FGFR3: variants seen among roughly 807,000 people sequenced by gnomAD.
FGFR3 encodes fibroblast growth factor receptor 3.
In FGFR3, 25 loss-of-function variants were observed where a neutral mutation model predicts 82.9. The observed-to-expected ratio is 0.30, with a 90% CI of 0.22 to 0.42. The LOEUF (loss-of-function observed/expected upper bound fraction) is 0.42. FGFR3 is among the 10% of genes least tolerant of loss of function. The pLI, the probability that FGFR3 is intolerant of heterozygous loss-of-function variation, is 1.00. For missense variants in FGFR3, 1,026 were observed against 1,161.0 expected, an observed-to-expected ratio of 0.88 and a Z score of 1.69; for synonymous variants, 620 against 516.0, an observed-to-expected ratio of 1.20 and a Z score of -2.73.
intron 2 of FGFR3, among the ~76,000 whole-genome samples, chr4:1,797,835 G>A (rs982934906): frequency 2.0e-5 from 3 of 152,182 alleles, no homozygotes; most frequent in African/African-American, 7.2e-5. Flanking sequence ...GTCACCCTGG[G>A]CACTAGGCGT....
rs1417578492 is a variant in FGFR3 at position 1,802,483 on chromosome 4, T to C, written c.930+458T>C. On this transcript the variant is annotated intron_variant, in intron 7 of 17. Coordinates refer to ENST00000440486, the MANE Select transcript of FGFR3 (RefSeq NM_000142.5). Reference sequence around the variant, plus strand: ...CCTGAAGCCCTTAGCTTTGTTCCCATGGCTGCCGGGTGGGGGCCACTGAAT... The same window carrying C: ...CCTGAAGCCCTTAGCTTTGTTCCCACGGCTGCCGGGTGGGGGCCACTGAAT... Among the ~76,000 whole-genome samples the C allele has an allele frequency of 2.6e-5, 4 of 152,210 alleles. No individual in the cohort carries two copies. The East Asian group carries it at 7.7e-4, about 29-fold the overall frequency.
Position 1,804,984 on chromosome 4 carries a change from G to T in FGFR3, c.1412+15G>T. On this transcript the variant is annotated intron_variant, in intron 10 of 17. Coordinates refer to ENST00000440486, the MANE Select transcript of FGFR3 (RefSeq NM_000142.5). ...TCTCGGGCCCGGTCAGTGGTGCTGA[G>T]GGCCAGCGTTGGCTGTAGGGGGCTT... is the stretch of plus-strand genomic sequence containing the variant. 6.5e-7 allele frequency: 1 copy of T among 1,542,192 alleles called. No homozygotes were observed.
rs375310360 is a variant in FGFR3, at chr4:1,806,910, T to C, written c.2250T>C (p.Arg750=). Residue 750 remains arginine (R), a synonymous_variant, in exon 17 of 18, where the codon CGT becomes CGC. Transcript: ENST00000440486. ...TFKQLVEDLD[R]VLTVTSTDEY... is the part of the protein sequence containing the mutation. ...AGCAGCTGGTGGAGGACCTGGACCGTGTCCTTACCGTGACGTCCACCGACG... is the reference window on the plus strand; with the variant it reads ...AGCAGCTGGTGGAGGACCTGGACCGCGTCCTTACCGTGACGTCCACCGACG... 9 of 1,610,486 alleles carry C rather than the reference T, an allele frequency of 5.6e-6. No individual in the cohort carries two copies. The African/African-American group carries it at 1.2e-4, about 22-fold the overall frequency.
chr4:1,800,224 C>T (rs1413052736), intron 4 of FGFR3, among the ~76,000 whole-genome samples: 2 of 151,598 alleles, frequency 1.3e-5, no homozygotes, highest in Non-Finnish European at 2.9e-5. Context: ...GGGCACCTGC[C>T]ACAACCAGTG....
Position 1,800,490 on chromosome 4 carries a change from A to G in FGFR3, c.445+678A>G, listed in dbSNP as rs866703097. On this transcript the variant is annotated intron_variant, in intron 4 of 17. Transcript: ENST00000440486. ...GGTGTGTGCGCTGGGTCCCTGGGCCAGTGGGGTAAGCAGGTGAGGAAGGGA... is the reference window on the plus strand; with the variant it reads ...GGTGTGTGCGCTGGGTCCCTGGGCCGGTGGGGTAAGCAGGTGAGGAAGGGA... 6.6e-5 allele frequency among the ~76,000 whole-genome samples: 10 copies of G among 152,050 alleles called. No individual in the cohort carries two copies. In the Middle Eastern group the frequency reaches 0.01, roughly 156 times the overall value.
intron 8 of FGFR3, 22 bp downstream of exon 8, chr4:1,803,858 G>A (rs548695207): frequency 1.2e-6 from 2 of 1,610,146 alleles, no homozygotes; most frequent in South Asian, 2.2e-5. Flanking sequence ...TGCTGCTGCT[G>A]CTGCTCCGCA....
At position 1,805,490 on chromosome 4, in the gene FGFR3, G is replaced by C. The variant is rs374221323; in HGVS notation, c.1534+14G>C. On this transcript the variant is annotated intron_variant, in intron 11 of 17. Transcript: ENST00000440486. ...AGATGCTGAAAGGTGAGGAGGGGGC[G>C]GCCAGGGGTGCAGAGCAGGGCTGGG... 8 of 1,612,002 alleles carry C rather than the reference G, an allele frequency of 5.0e-6. No individual in the cohort carries two copies. In the African/African-American group the frequency reaches 1.1e-4, roughly 22 times the overall value.
Position 1,801,915 on chromosome 4 carries a change from C to T in FGFR3, c.820C>T (p.His274Tyr), listed in dbSNP as rs900590386. 9 of 1,612,450 alleles carry T rather than the reference C, an allele frequency of 5.6e-6. No individual in the cohort carries two copies. The highest frequency in any genetic ancestry group is 2.7e-5 in the African/African-American group (2 of 74,936). ...GGTGCTGGGCAGCGACGTGGAGTTC[C>T]ACTGCAAGGTGTACAGTGACGCACA... ...TAVLGSDVEFHCKVYSDAQPH... is the reference protein window; with the variant it reads ...TAVLGSDVEFYCKVYSDAQPH... The change falls in exon 7 of 18, where the codon CAC (histidine) becomes TAC (tyrosine). Residue 274 changes from histidine (H) to tyrosine (Y), a missense_variant. Coordinates refer to ENST00000440486, the MANE Select transcript of FGFR3 (RefSeq NM_000142.5).
Position 1,799,535 on chromosome 4 carries a change from G to A in FGFR3, c.379+12G>A, listed in dbSNP as rs1320401522. ...TGTGCGGGTGACAGGTGAGCTCTGG[G>A]GCCACGCCAGCTACAGAAAGGAGCC... is the stretch of plus-strand genomic sequence containing the variant. On this transcript the variant is annotated intron_variant, in intron 3 of 17. Transcript: ENST00000440486. The A allele has an allele frequency of 1.9e-6, 3 of 1,551,394 alleles. No homozygotes were observed. The highest frequency in any genetic ancestry group is 2.6e-6 in the Non-Finnish European group (3 of 1,148,340).
intron 1 of FGFR3, 72 bp from the exon 2 acceptor site, chr4:1,793,761 G>T: frequency 6.3e-6 from 1 of 159,378 alleles, no homozygotes; most frequent in South Asian, 1.8e-4. Context: ...GAGGGGTCGG[G>T]ACGCAGGAGC....
chr4:1,804,789 A>G (rs1311516622), intron 9 of FGFR3, 35 bp from the exon 10 acceptor site: 2 of 1,548,642 alleles, frequency 1.3e-6, no homozygotes, highest in South Asian at 1.2e-5. Flanking sequence ...CCTGTCGCCC[A>G]CGCGGCGCCA....
At position 1,799,561 on chromosome 4, in the gene FGFR3, G is replaced by A. The variant is rs369094663; in HGVS notation, c.379+38G>A. 32 of 1,549,512 alleles carry A rather than the reference G, an allele frequency of 2.1e-5. 1 individual carries two copies. The highest frequency in any genetic ancestry group is 1.3e-4 in the South Asian group (11 of 84,246). On this transcript the variant is annotated intron_variant, in intron 3 of 17. Transcript: ENST00000440486. ...GCCACGCCAGCTACAGAAAGGAGCC[G>A]AGTGCCGGGCTCCCTGAGTCCCTGC...
At chr4:1,794,162 G>T (rs1476022803) in intron 2 of FGFR3, 119 bp downstream of exon 2, 3 of 484,616 alleles carry the variant, frequency 6.2e-6, no homozygotes, top group Non-Finnish European at 6.6e-6. Flanking sequence ...CGGGGTTAGA[G>T]CCCGGATTCC....
Position 1,808,091 on chromosome 4 carries a change from T to C in FGFR3, c.*829T>C. ...TGGCACCGCAGTTTTGTTTTAAAACTGGACCTGTATATTTGTAAAGCTATT... is the reference window on the plus strand; with the variant it reads ...TGGCACCGCAGTTTTGTTTTAAAACCGGACCTGTATATTTGTAAAGCTATT... On this transcript the variant is annotated 3_prime_UTR_variant, in exon 18 of 18. Transcript: ENST00000440486. 1 of 233,304 alleles carries C rather than the reference T, an allele frequency of 4.3e-6. No individual in the cohort carries two copies. The highest frequency in any genetic ancestry group is 8.5e-6 in the Non-Finnish European group (1 of 118,168). The allele number at this position is 233,304 out of a possible 1,614,324, so 14.5% of individuals were successfully genotyped here. A position where few individuals can be genotyped will look rare whatever the true frequency, so the allele number is the denominator to read the frequency against.
chr4:1,804,217 G>T, intron 8 of FGFR3, 113 bp from the exon 9 acceptor site: 1 of 1,258,160 alleles, frequency 7.9e-7, no homozygotes, highest in Non-Finnish European at 1.1e-6. Context: ...GCGTGCTGAG[G>T]TTCTGAGCCC....
chr4:1,804,556 G>T, intron 9 of FGFR3, 36 bp downstream of exon 9: 1 of 1,607,606 alleles, frequency 6.2e-7, no homozygotes, highest in African/African-American at 1.3e-5. Context: ...TGAGCTGCCT[G>T]CCCGCCAGGC....
At chr4:1,799,715 G>C in intron 3 of FGFR3, 32 bp from the exon 4 acceptor site, 1 of 1,611,786 alleles carries the variant, frequency 6.2e-7, no homozygotes, top group Non-Finnish European at 8.5e-7. Context: ...GGGGCAGGTT[G>C]GGCATTGGTT....
chr4:1,795,302 C>T (rs1165140072), intron 2 of FGFR3, among the ~76,000 whole-genome samples: 1 of 152,038 alleles, frequency 6.6e-6, no homozygotes, highest in Non-Finnish European at 1.5e-5. Context: ...AAAGATATTA[C>T]TCCCTACGGC....
intron 15 of FGFR3, 33 bp from the exon 16 acceptor site, chr4:1,806,513 C>G (rs1336630749): frequency 1.6e-5 from 25 of 1,612,672 alleles, no homozygotes; most frequent in Non-Finnish European, 2.0e-5. Flanking sequence ...TCCTGGGAGT[C>G]TCAGGACAGC....
Sources: allele counts gnomAD v4.1 joint callset (sites outside exome capture counted in the v4.1 genomes callset), GRCh38; gene constraint gnomAD v4.1.1; transcripts MANE v1.5; gene names NCBI Gene and HGNC (gene_info 2026-07-23, HGNC 2026-07-21).